Variants in ZNF532 observed in about 807,000 individuals in gnomAD.
ZNF532 encodes zinc finger protein 532.
Under a neutral mutation model 89.3 loss-of-function variants are expected in ZNF532, and 22 were observed. The observed-to-expected ratio is 0.25, with a 90% CI of 0.18 to 0.35. The LOEUF (loss-of-function observed/expected upper bound fraction) is 0.35. Among genes scored for constraint, ZNF532 ranks in the 10% least tolerant of loss-of-function variants. The pLI, the probability that ZNF532 is intolerant of heterozygous loss-of-function variation, is 1.00. For synonymous variants in ZNF532, 606 were observed against 649.6 expected, an observed-to-expected ratio of 0.93 and a Z score of 1.02; for missense variants, 1,132 against 1,643.4, an observed-to-expected ratio of 0.69 and a Z score of 5.38.
intron 2 of ZNF532, among the ~76,000 whole-genome samples, chr18:58,911,738 A>C (rs527264365): frequency 1.3e-5 from 2 of 152,342 alleles, no homozygotes; most frequent in Non-Finnish European, 2.9e-5. Flanking sequence ...GGAGTTAATA[A>C]GGAAAAACAA....
At chr18:58,909,692 C>T (rs1344982837) in intron 2 of ZNF532, among the ~76,000 whole-genome samples, 2 of 152,064 alleles carry the variant, frequency 1.3e-5, no homozygotes, top group South Asian at 2.1e-4. Context: ...AACAGGCACG[C>T]GGGAACACGG....
rs9967118 is a variant in ZNF532, at chr18:58,959,261, T to G, written c.3150+5462T>G. 4.8e-5 allele frequency among the ~76,000 whole-genome samples: 6 copies of G among 126,036 alleles called. 1 individual carries two copies. The highest frequency in any genetic ancestry group is 7.8e-5 in the Non-Finnish European group (5 of 63,780). 82.7% of individuals were successfully genotyped at this position (126,036 alleles called of 152,430 possible). A position where few individuals can be genotyped will look rare whatever the true frequency, so the allele number is the denominator to read the frequency against. On this transcript the variant is annotated intron_variant, in intron 7 of 9. Coordinates refer to ENST00000591808, the MANE Select transcript of ZNF532 (RefSeq NM_001375912.1). Reference sequence around the variant, plus strand: ...GATCTTTTCAGTTTTTTGTTTTTTGTTTTTTTTTGTTTTTTTTTGGTTTTT... The same window carrying G: ...GATCTTTTCAGTTTTTTGTTTTTTGGTTTTTTTTGTTTTTTTTTGGTTTTT...
Position 58,953,646 on chromosome 18 carries a change from G to A in ZNF532, c.2997G>A (p.Gly999=). 1 of 1,613,964 alleles carries A rather than the reference G, an allele frequency of 6.2e-7. No individual in the cohort carries two copies. Among genetic ancestry groups the A allele is most frequent in the South Asian group, 1.1e-5 (1 of 91,078 alleles). The part of the protein sequence containing the change: ...QNKEDTKSMN[G]KEKLEKKSPS... ...AAGAGGACACCAAATCCATGAATGGGAAAGAGAAATTGGAAAAGAAATCTC... is the reference window on the plus strand; with the variant it reads ...AAGAGGACACCAAATCCATGAATGGAAAAGAGAAATTGGAAAAGAAATCTC... The change falls in exon 7 of 10, where the codon GGG becomes GGA. Residue 999 remains glycine, a synonymous_variant. Transcript: ENST00000591808.
At chr18:58,946,766 C>G (rs781299330) in intron 5 of ZNF532, among the ~76,000 whole-genome samples, 4 of 152,142 alleles carry the variant, frequency 2.6e-5, no homozygotes, top group African/African-American at 4.8e-5. Context: ...ACCCCCTCCC[C>G]CAAGGGTACT....
At chr18:58,873,381 C>T (rs1011655510) in intron 2 of ZNF532, among the ~76,000 whole-genome samples, 2 of 151,912 alleles carry the variant, frequency 1.3e-5, no homozygotes, top group Non-Finnish European at 2.9e-5. Context: ...CCTGAAAACA[C>T]GATTTGATTA....
chr18:58,911,030 T>G (rs937025322), intron 2 of ZNF532, among the ~76,000 whole-genome samples: 1 of 152,140 alleles, frequency 6.6e-6, no homozygotes, highest in African/African-American at 2.4e-5. Context: ...AGTCATGAGC[T>G]ACCACGCCCA....
chr18:58,936,033 T>C (rs1367408428), intron 4 of ZNF532, among the ~76,000 whole-genome samples: 4 of 152,230 alleles, frequency 2.6e-5, no homozygotes, highest in African/African-American at 9.7e-5. Flanking sequence ...AAACTTGTAA[T>C]GCACAAATGT....
intron 2 of ZNF532, among the ~76,000 whole-genome samples, chr18:58,903,939 A>G (rs2059758821): frequency 6.6e-6 from 1 of 152,244 alleles, no homozygotes; most frequent in Non-Finnish European, 1.5e-5. Flanking sequence ...AAATTTAAGA[A>G]AATTTCAGCA....
At chr18:58,889,784 CAAA>C (rs1210071335) in intron 2 of ZNF532, among the ~76,000 whole-genome samples, 1 of 141,372 alleles carries the variant, frequency 7.1e-6, no homozygotes, top group Non-Finnish European at 1.5e-5. Context: ...AAACAAAAAA[CAAA>C]AAAACCCCAA....
chr18:58,929,769 G>A (rs2061798820), intron 3 of ZNF532, among the ~76,000 whole-genome samples: 1 of 152,170 alleles, frequency 6.6e-6, no homozygotes, highest in African/African-American at 2.4e-5. Flanking sequence ...TGAGCAAAAG[G>A]CATATAAAGC....
At chr18:58,911,422 G>A (rs968006076) in intron 2 of ZNF532, among the ~76,000 whole-genome samples, 1 of 152,180 alleles carries the variant, frequency 6.6e-6, no homozygotes, top group African/African-American at 2.4e-5. Context: ...GGAGAGATTA[G>A]TAACATCTGC....
chr18:58,981,402 C>A, intron 8 of ZNF532, 68 bp from the exon 9 acceptor site: 1 of 1,567,588 alleles, frequency 6.4e-7, no homozygotes, highest in Non-Finnish European at 8.6e-7. Context: ...GGACCTTCGA[C>A]CGTGAGTTCT....
At position 58,920,492 on chromosome 18, in the gene ZNF532, C is replaced by T; in HGVS notation, c.2205C>T (p.Pro735=). 6.2e-7 allele frequency: 1 copy of T among 1,613,982 alleles called. No homozygotes were observed. The highest frequency in any genetic ancestry group is 8.5e-7 in the Non-Finnish European group (1 of 1,179,866). Residue 735 remains proline, a synonymous_variant, in exon 3 of 10, where the codon CCC becomes CCT. Transcript: ENST00000591808. ...GTVISAPSST[P]ITPAMPLDED... is the part of the protein sequence containing the mutation. ...TCATATCGGCTCCTTCAAGCACTCC[C>T]ATCACCCCAGCCATGCCCCTAGATG...
At chr18:58,916,261 G>A (rs2060593260) in intron 2 of ZNF532, among the ~76,000 whole-genome samples, 1 of 152,170 alleles carries the variant, frequency 6.6e-6, no homozygotes, top group Admixed American at 6.5e-5. Context: ...GTAAGTGGGT[G>A]GATTCTTTTG....
chr18:58,982,229 A>G (rs2067875475), intron 9 of ZNF532, among the ~76,000 whole-genome samples: 1 of 151,708 alleles, frequency 6.6e-6, no homozygotes, highest in African/African-American at 2.4e-5. Flanking sequence ...GTTTGAACCC[A>G]GGAGGCAGAG....
At chr18:58,963,150 ACT>A (rs1270243910) in intron 7 of ZNF532, among the ~76,000 whole-genome samples, 2 of 151,052 alleles carry the variant, frequency 1.3e-5, no homozygotes, top group Non-Finnish European at 3.0e-5. Context: ...AGGGGACACA[ACT>A]CTCTGGATGT....
intron 7 of ZNF532, chr18:58,954,017 C>T: frequency 8.1e-6 from 8 of 985,440 alleles, no homozygotes; most frequent in Non-Finnish European, 8.4e-6. Context: ...CACATGCACT[C>T]CTCCAGACTG....
chr18:58,982,171 G>GGCAGGCGCCT (rs1448831162), intron 9 of ZNF532, among the ~76,000 whole-genome samples: 5 of 151,202 alleles, frequency 3.3e-5, no homozygotes, highest in Admixed American at 2.6e-4. Context: ...CAGGCATGAT[G>GGCAGGCGCCT]GCAGGCGCCT....
chr18:58,981,361 G>A lies in ZNF532; in HGVS notation c.3264-109G>A, dbSNP rs908796035. 7 of 1,413,226 alleles carry A rather than the reference G, an allele frequency of 5.0e-6. No individual in the cohort carries two copies. The Admixed American group carries it at 1.5e-4, about 31-fold the overall frequency. The allele number at this position is 1,413,226 out of a possible 1,614,324, so 87.5% of individuals were successfully genotyped here. A position where few individuals can be genotyped will look rare whatever the true frequency, so the allele number is the denominator to read the frequency against. On this transcript the variant is annotated intron_variant, in intron 8 of 9. Transcript: ENST00000591808. The stretch of plus-strand genomic sequence containing the variant: ...AACCATGGTGTGAACTCAGCTTATT[G>A]GACCTGTCTGTGTGAACTGACGGCT...
Sources: gnomAD v4.1 joint callset for allele counts (sites outside exome capture counted in the v4.1 genomes callset) on GRCh38, gnomAD v4.1.1 for gene constraint, MANE v1.5 for transcripts, NCBI Gene and HGNC (gene_info 2026-07-23, HGNC 2026-07-21) for gene names.